Variants in EHMT1 observed in about 807,000 individuals in gnomAD.
EHMT1 encodes histone-lysine N-methyltransferase EHMT1.
A neutral mutation model predicts 147.2 loss-of-function variants in EHMT1; 15 were observed. The observed-to-expected ratio is 0.10, with a 90% confidence interval of 0.07 to 0.16. The LOEUF is 0.16. EHMT1 is among the 10% of genes least tolerant of loss of function. EHMT1 has a pLI of 1.00. For missense variants in EHMT1, 1,587 were observed against 1,772.4 expected, an observed-to-expected ratio of 0.90 and a Z score of 1.88; for synonymous variants, 795 against 709.6, an observed-to-expected ratio of 1.12 and a Z score of -1.91.
In EHMT1 at chr9:137,631,394, G is replaced by GA. The variant is rs923255487; in HGVS notation, c.21+12353dup. 6.0e-5 allele frequency among the ~76,000 whole-genome samples: 9 copies of GA among 150,706 alleles called. No individual in the cohort carries two copies. In the East Asian group the frequency reaches 7.8e-4, roughly 13 times the overall value. On this transcript the variant is annotated intron_variant, in intron 1 of 26. Coordinates refer to ENST00000460843, the MANE Select transcript of EHMT1 (RefSeq NM_024757.5). Reference sequence around the variant, plus strand: ...GTAACAAGAGTGAACCTCTGTCTTGGAAAAAAAATAAAAATAAAAATAAAA... The same window carrying GA: ...GTAACAAGAGTGAACCTCTGTCTTGGAAAAAAAAATAAAAATAAAAATAAAA...
rs1483382308 is a variant in EHMT1, at chr9:137,835,195, C to G, written c.*242C>G. On this transcript the variant is annotated 3_prime_UTR_variant, in exon 27 of 27. Transcript: ENST00000460843. Reference sequence around the variant, plus strand: ...CCCAGGCTGGAGCGCACACTTTGGTCCGCGCGCCAGAGACGCTGGGAGTCC... The same window carrying G: ...CCCAGGCTGGAGCGCACACTTTGGTGCGCGCGCCAGAGACGCTGGGAGTCC... 2.5e-6 allele frequency: 1 copy of G among 407,100 alleles called. No individual in the cohort carries two copies. Among genetic ancestry groups the G allele is most frequent in the Non-Finnish European group, 4.3e-6 (1 of 234,414 alleles). The allele number at this position is 407,100 out of a possible 1,614,324, so 25.2% of individuals were successfully genotyped here.
chr9:137,712,370 A>C (rs867662753), intron 2 of EHMT1, among the ~76,000 whole-genome samples: 1 of 152,166 alleles, frequency 6.6e-6, no homozygotes, highest in African/African-American at 2.4e-5. Context: ...CCCTGGGGGA[A>C]CTGCTGGACC....
chr9:137,708,772 G>T (rs979019393), intron 1 of EHMT1, among the ~76,000 whole-genome samples: 2 of 152,126 alleles, frequency 1.3e-5, no homozygotes, highest in East Asian at 3.8e-4. Flanking sequence ...GGCATGTCCA[G>T]GCCTGAGTGG....
intron 1 of EHMT1, among the ~76,000 whole-genome samples, chr9:137,647,493 T>G (rs2133899526): frequency 6.6e-6 from 1 of 152,242 alleles, no homozygotes; most frequent in African/African-American, 2.4e-5. Context: ...TTCTCCCTGC[T>G]TTTTGGTGGC....
intron 25 of EHMT1, chr9:137,834,046 C>G (rs1312414692): frequency 6.2e-6 from 3 of 485,106 alleles, no homozygotes; most frequent in Non-Finnish European, 1.1e-5. Context: ...TGGCGCTGTC[C>G]ACATTCCACC....
chr9:137,711,079 T>A, intron 2 of EHMT1, 49 bp downstream of exon 2: 1 of 1,537,550 alleles, frequency 6.5e-7, no homozygotes, highest in Non-Finnish European at 8.8e-7. Flanking sequence ...CCCTCCAGAC[T>A]AGAAAACCTG....
At chr9:137,686,730 C>CTTTTT (rs34204547) in intron 1 of EHMT1, among the ~76,000 whole-genome samples, 6 of 111,000 alleles carry the variant, frequency 5.4e-5, no homozygotes, top group African/African-American at 1.7e-4. Flanking sequence ...CTCATTCTTT[C>CTTTTT]TTTTTTTTTT....
At chr9:137,673,964 A>AT (rs905436848) in intron 1 of EHMT1, among the ~76,000 whole-genome samples, 5 of 152,080 alleles carry the variant, frequency 3.3e-5, no homozygotes, top group African/African-American at 1.2e-4. Context: ...TGAGGCCTTG[A>AT]TTGGGGGCAG....
At chr9:137,679,432 A>T (rs1038529865) in intron 1 of EHMT1, among the ~76,000 whole-genome samples, 1 of 152,144 alleles carries the variant, frequency 6.6e-6, no homozygotes, top group Admixed American at 6.5e-5. Flanking sequence ...CCCTCTTGAC[A>T]TGCGGTTGCA....
intron 6 of EHMT1, among the ~76,000 whole-genome samples, chr9:137,748,579 T>G (rs1471846412): frequency 1.3e-5 from 2 of 152,222 alleles, no homozygotes; most frequent in Non-Finnish European, 2.9e-5. Context: ...TCAGGTTGCC[T>G]TCTTCCCCAC....
At chr9:137,683,105 AC>A (rs1942116425) in intron 1 of EHMT1, among the ~76,000 whole-genome samples, 1 of 152,266 alleles carries the variant, frequency 6.6e-6, no homozygotes, top group African/African-American at 2.4e-5. Context: ...TGTTTCTGTT[AC>A]ATGGGTTAGT....
intron 18 of EHMT1, among the ~76,000 whole-genome samples, chr9:137,801,722 C>G (rs961217908): frequency 6.6e-6 from 1 of 151,930 alleles, no homozygotes; most frequent in African/African-American, 2.4e-5. Context: ...TGGTCTTGAA[C>G]CCCGACCTCA....
At chr9:137,668,974 C>T (rs533742987) in intron 1 of EHMT1, among the ~76,000 whole-genome samples, 15 of 152,292 alleles carry the variant, frequency 9.8e-5, no homozygotes, top group African/African-American at 3.6e-4. Context: ...GCAAGCTCCG[C>T]CTCCCAGGTT....
chr9:137,793,262 A>G (rs1483038763), intron 16 of EHMT1, among the ~76,000 whole-genome samples: 3 of 152,224 alleles, frequency 2.0e-5, no homozygotes, highest in Non-Finnish European at 2.9e-5. Context: ...AAACCACCCA[A>G]TTCAGAAATG....
intron 1 of EHMT1, among the ~76,000 whole-genome samples, chr9:137,702,189 A>G (rs1005910850): frequency 5.3e-5 from 8 of 152,114 alleles, no homozygotes; most frequent in Admixed American, 2.6e-4. Context: ...CGGCCTCCCA[A>G]AGTGCTGGGT....
At chr9:137,654,820 A>G (rs1041562865) in intron 1 of EHMT1, among the ~76,000 whole-genome samples, 2 of 152,104 alleles carry the variant, frequency 1.3e-5, no homozygotes, top group Non-Finnish European at 2.9e-5. Context: ...AACAGTGCAC[A>G]TGGTTCTGAG....
At position 137,792,649 on chromosome 9, in the gene EHMT1, G is replaced by A. The variant is rs111370430; in HGVS notation, c.2505+1679G>A. On this transcript the variant is annotated intron_variant, in intron 16 of 26. Transcript: ENST00000460843. ...GAACCCGGGAGGCGGAAGTTGCAGT[G>A]AGCCGAGATCACGCCACTGCGCTCC... is the stretch of plus-strand genomic sequence containing the variant. Among the ~76,000 whole-genome samples, 1,394 of 152,300 alleles carry A rather than the reference G, an allele frequency of 9.2e-3. 14 individuals are homozygous for A. Among genetic ancestry groups the A allele is most frequent in the Non-Finnish European group, 0.012 (815 of 68,022 alleles).
chr9:137,805,087 TGA>T (rs751411670), intron 18 of EHMT1, among the ~76,000 whole-genome samples: 2 of 151,896 alleles, frequency 1.3e-5, no homozygotes, highest in Non-Finnish European at 2.9e-5. Flanking sequence ...CGTCCACATG[TGA>T]GAGTCTGCAT....
chr9:137,707,629 G>A (rs558081548), intron 1 of EHMT1, among the ~76,000 whole-genome samples: 1 of 152,350 alleles, frequency 6.6e-6, no homozygotes, highest in South Asian at 2.1e-4. Context: ...CAGCAGAATG[G>A]TGGATGATTC....
Sources: allele counts gnomAD v4.1 joint callset (sites outside exome capture counted in the v4.1 genomes callset), GRCh38; gene constraint gnomAD v4.1.1; transcripts MANE v1.5; gene names NCBI Gene and HGNC (gene_info 2026-07-23, HGNC 2026-07-21).